SLC15A1: variants seen among roughly 807,000 people sequenced by gnomAD.
SLC15A1 encodes solute carrier family 15 member 1.
SLC15A1 carries 83 observed loss-of-function variants against 92.9 expected under a neutral mutation model. The ratio of observed to expected loss-of-function variants is 0.89; its 90% confidence interval spans 0.75 to 1.07. The LOEUF is 1.07. SLC15A1 is among the 50% of genes least tolerant of loss of function. The pLI is 0.00. For missense variants in SLC15A1, 857 were observed against 880.1 expected, an observed-to-expected ratio of 0.97 and a Z score of 0.33; for synonymous variants, 322 against 318.2, an observed-to-expected ratio of 1.01 and a Z score of -0.13.
intron 18 of SLC15A1, among the ~76,000 whole-genome samples, chr13:98,692,988 C>T (rs1244091289): frequency 6.6e-6 from 1 of 151,888 alleles, no homozygotes; most frequent in East Asian, 1.9e-4. Context: ...CTCAGCCCAC[C>T]TTGACCTCTC....
chr13:98,703,243 AAAGG>A (rs1243562762), intron 17 of SLC15A1, among the ~76,000 whole-genome samples: 1 of 151,670 alleles, frequency 6.6e-6, no homozygotes, highest in Non-Finnish European at 1.5e-5. Flanking sequence ...AGAAGAGAGA[AAAGG>A]AAGGAAGGAA....
intron 15 of SLC15A1, 37 bp downstream of exon 15, chr13:98,708,649 C>T (rs1432922890): frequency 1.3e-6 from 2 of 1,572,160 alleles, no homozygotes; most frequent in Non-Finnish European, 1.7e-6. Flanking sequence ...CCTAAATCCA[C>T]CAGGAAAGGA....
chr13:98,727,022 T>C (rs1384412053), intron 1 of SLC15A1, among the ~76,000 whole-genome samples, 163 bp from the exon 2 acceptor site: 2 of 152,280 alleles, frequency 1.3e-5, no homozygotes, highest in East Asian at 3.9e-4. Flanking sequence ...GCTTCTTATC[T>C]GAGGTGGGGC....
At chr13:98,745,676 C>A (rs1280420196) in intron 1 of SLC15A1, among the ~76,000 whole-genome samples, 6 of 152,166 alleles carry the variant, frequency 3.9e-5, no homozygotes, top group Admixed American at 2.0e-4. Context: ...ACCCCCAGAG[C>A]CTTCGGAGGG....
chr13:98,737,898 A>C (rs1486343043), intron 1 of SLC15A1, among the ~76,000 whole-genome samples: 2 of 152,238 alleles, frequency 1.3e-5, no homozygotes, highest in Admixed American at 6.5e-5. Flanking sequence ...GTTGTGATCA[A>C]AATGCAAATA....
intron 1 of SLC15A1, among the ~76,000 whole-genome samples, chr13:98,742,116 A>G (rs1000457721): frequency 6.6e-6 from 1 of 152,208 alleles, no homozygotes; most frequent in African/African-American, 2.4e-5. Context: ...CCCAGAACAC[A>G]AGAGAATGGG....
At chr13:98,692,982 G>T (rs2087992512) in intron 18 of SLC15A1, among the ~76,000 whole-genome samples, 1 of 151,032 alleles carries the variant, frequency 6.6e-6, no homozygotes, top group Non-Finnish European at 1.5e-5. Context: ...CAAGCACTCA[G>T]CCCACCTTGA....
At chr13:98,713,946 C>T (rs1373567975) in intron 9 of SLC15A1, among the ~76,000 whole-genome samples, 1 of 151,188 alleles carries the variant, frequency 6.6e-6, no homozygotes, top group Non-Finnish European at 1.5e-5. Flanking sequence ...ATTTGGGAGG[C>T]TGAGGCTGAG....
intron 2 of SLC15A1, 38 bp from the exon 3 acceptor site, chr13:98,726,487 C>A (rs887849661): frequency 1.3e-6 from 2 of 1,576,298 alleles, no homozygotes; most frequent in Non-Finnish European, 1.7e-6. Context: ...TGAAATACAC[C>A]CCCCACTGGT....
intron 15 of SLC15A1, among the ~76,000 whole-genome samples, chr13:98,706,549 C>T (rs1209837076): frequency 2.0e-5 from 3 of 152,200 alleles, no homozygotes; most frequent in East Asian, 1.9e-4. Flanking sequence ...ATAACTGAAT[C>T]GTGGGGGTGG....
Position 98,688,359 on chromosome 13 carries a change from A to C in SLC15A1, c.1575-3T>G. On this transcript the variant is annotated splice_region_variant and splice_polypyrimidine_tract_variant and intron_variant, in intron 19 of 22. Transcript: ENST00000376503. Reference sequence around the variant, plus strand: ...TTGAGCTTATTGTGAAGCCTTTTCTATCAAAATAAAGAATAATATTGGTTA... The same window carrying C: ...TTGAGCTTATTGTGAAGCCTTTTCTCTCAAAATAAAGAATAATATTGGTTA... 6.2e-7 allele frequency: 1 copy of C among 1,611,782 alleles called. No individual in the cohort carries two copies. Among genetic ancestry groups the C allele is most frequent in the Non-Finnish European group, 8.5e-7 (1 of 1,178,756 alleles).
In SLC15A1 at chr13:98,688,370, GAAT is replaced by G. The variant is rs1342571095; in HGVS notation, c.1575-17_1575-15del. Reference sequence around the variant, plus strand: ...GTGAAGCCTTTTCTATCAAAATAAAGAATAATATTGGTTAACATTCTTGGCATT... The same window carrying G: ...GTGAAGCCTTTTCTATCAAAATAAAGAATATTGGTTAACATTCTTGGCATT... On this transcript the variant is annotated splice_polypyrimidine_tract_variant and intron_variant, in intron 19 of 22. Coordinates refer to ENST00000376503, the MANE Select transcript of SLC15A1 (RefSeq NM_005073.4). 373 of 1,609,322 alleles carry G rather than the reference GAAT, an allele frequency of 2.3e-4. No individual in the cohort carries two copies. The highest frequency in any genetic ancestry group is 3.1e-4 in the Non-Finnish European group (366 of 1,176,738).
At chr13:98,711,628 A>G (rs1481554774) in intron 11 of SLC15A1, among the ~76,000 whole-genome samples, 2 of 152,146 alleles carry the variant, frequency 1.3e-5, no homozygotes, top group African/African-American at 4.8e-5. Context: ...CATTGTTAGC[A>G]ACAGAAATGT....
chr13:98,705,567 T>C (rs1031444250), intron 16 of SLC15A1, among the ~76,000 whole-genome samples: 2 of 152,178 alleles, frequency 1.3e-5, no homozygotes, highest in African/African-American at 4.8e-5. Context: ...GAGAGCTAGT[T>C]AAATGCAGCA....
At chr13:98,693,043 G>T (rs1205824995) in intron 18 of SLC15A1, among the ~76,000 whole-genome samples, 1 of 151,040 alleles carries the variant, frequency 6.6e-6, no homozygotes, top group Admixed American at 6.6e-5. Flanking sequence ...CCAGCCAAGG[G>T]GTCCAGTTTA....
intron 1 of SLC15A1, among the ~76,000 whole-genome samples, chr13:98,751,114 A>ATT (rs34373331): frequency 6.6e-5 from 10 of 151,414 alleles, no homozygotes; most frequent in Admixed American, 3.9e-4. Flanking sequence ...CCATTAAACA[A>ATT]TTTTTTTTTC....
chr13:98,692,827 C>A (rs113325398), intron 18 of SLC15A1, among the ~76,000 whole-genome samples: 1,611 of 152,190 alleles, frequency 0.011, 30 homozygotes, highest in African/African-American at 0.037. Flanking sequence ...CTTATTGCAG[C>A]CTCGACCTCC....
At chr13:98,732,976 G>C in intron 1 of SLC15A1, among the ~76,000 whole-genome samples, 1 of 152,252 alleles carries the variant, frequency 6.6e-6, no homozygotes, top group South Asian at 2.1e-4. Flanking sequence ...GAGATAAAGA[G>C]TTTATCTTAG....
intron 1 of SLC15A1, among the ~76,000 whole-genome samples, chr13:98,738,516 C>G (rs1163676009): frequency 9.9e-5 from 15 of 152,282 alleles, no homozygotes; most frequent in Admixed American, 9.8e-4. Context: ...ATCCCAGCCA[C>G]TTAGGCTCCA....
Sources: allele counts gnomAD v4.1 joint callset (sites outside exome capture counted in the v4.1 genomes callset), GRCh38; gene constraint gnomAD v4.1.1; transcripts MANE v1.5; gene names NCBI Gene and HGNC (gene_info 2026-07-23, HGNC 2026-07-21).